LARP4B: variants seen among roughly 807,000 people sequenced by gnomAD.
LARP4B encodes the protein La ribonucleoprotein 4B.
A neutral mutation model predicts 89.8 loss-of-function variants in LARP4B; 12 were observed. The observed-to-expected ratio is 0.13, with a 90% confidence interval of 0.09 to 0.22. The LOEUF (loss-of-function observed/expected upper bound fraction) is 0.22. Among genes scored for constraint, LARP4B ranks in the 10% least tolerant of loss-of-function variants. The pLI, the probability that LARP4B is intolerant of heterozygous loss-of-function variation, is 1.00. For synonymous variants in LARP4B, 367 were observed against 363.3 expected (o/e 1.01, Z -0.12); for missense variants, 757 against 947.7 (o/e 0.80, Z 2.64).
At chr10:846,137 T>C (rs976925670) in intron 5 of LARP4B, among the ~76,000 whole-genome samples, 1 of 152,190 alleles carries the variant, frequency 6.6e-6, no homozygotes, top group Non-Finnish European at 1.5e-5. Flanking sequence ...TAGACTAAGG[T>C]GTCTCCGGGT....
chr10:884,527 A>G, intron 2 of LARP4B, 21 bp from the exon 3 acceptor site: 1 of 1,514,828 alleles, frequency 6.6e-7, no homozygotes, highest in Non-Finnish European at 9.2e-7. Context: ...GAAAACAAAG[A>G]CAACATCAGT....
chr10:957,953 C>A, the LARP4B span, among the ~76,000 whole-genome samples: 1 of 151,948 alleles, frequency 6.6e-6, no homozygotes, highest in South Asian at 2.1e-4. Context: ...TGCACCACCA[C>A]GCCTGGCTGA....
upstream of LARP4B, among the ~76,000 whole-genome samples, chr10:934,949 C>T (rs1001044921): frequency 6.6e-6 from 1 of 152,224 alleles, no homozygotes; most frequent in Non-Finnish European, 1.5e-5. Context: ...AGCTTCATCA[C>T]CATCCTCCTG....
In LARP4B at chr10:931,477, T is replaced by G. The variant is rs1830606413; in HGVS notation, c.-89A>C. The G allele has an allele frequency of 6.9e-6, 1 of 144,494 alleles. No individual in the cohort carries two copies. Among genetic ancestry groups the G allele is most frequent in the Non-Finnish European group, 1.5e-5 (1 of 65,460 alleles). 9.0% of individuals were successfully genotyped at this position (144,494 alleles called of 1,614,324 possible). On this transcript the variant is annotated 5_prime_UTR_variant, in exon 1 of 18. Transcript: ENST00000316157. ...ACCGGCCGCCCGCGGGCTCCTCGCC[T>G]CAACCCCGGGGCCCGGCGGCCGCGC...
chr10:881,095 T>C lies in LARP4B; in HGVS notation c.141+3352A>G, dbSNP rs570758979. The stretch of plus-strand genomic sequence containing the variant: ...AAGCCGCTGAGAATGATGTTTGCTA[T>C]AGATGAAGTTTGTGGCGCTAACAGG... On this transcript the variant is annotated intron_variant, in intron 3 of 17. Coordinates refer to ENST00000316157, the MANE Select transcript of LARP4B (RefSeq NM_015155.3). 2.6e-5 allele frequency among the ~76,000 whole-genome samples: 4 copies of C among 152,292 alleles called. No homozygotes were observed. The South Asian group carries it at 6.2e-4, about 24-fold the overall frequency.
At chr10:897,786 G>C (rs1203043766) in intron 1 of LARP4B, among the ~76,000 whole-genome samples, 2 of 151,884 alleles carry the variant, frequency 1.3e-5, no homozygotes, top group East Asian at 3.9e-4. Flanking sequence ...TCAGGAGTTC[G>C]AGACCAGCCT....
In LARP4B at chr10:809,777, G is replaced by A. The variant is rs1831677370; in HGVS notation, c.*3149C>T. On this transcript the variant is annotated 3_prime_UTR_variant, in exon 18 of 18. Transcript: ENST00000316157. Reference sequence around the variant, plus strand: ...CTCGATTGTCTGCAGCCCTGTAGTGGGCCGCGAGGCACGCAAGCCGCAACT... The same window carrying A: ...CTCGATTGTCTGCAGCCCTGTAGTGAGCCGCGAGGCACGCAAGCCGCAACT... 1 of 152,690 alleles carries A rather than the reference G, an allele frequency of 6.5e-6. No homozygotes were observed. Among genetic ancestry groups the A allele is most frequent in the Non-Finnish European group, 1.5e-5 (1 of 68,058 alleles). The allele number at this position is 152,690 out of a possible 1,614,324, so 9.5% of individuals were successfully genotyped here.
chr10:896,805 C>G (rs1222539991), intron 1 of LARP4B, among the ~76,000 whole-genome samples: 1 of 152,094 alleles, frequency 6.6e-6, no homozygotes, highest in Non-Finnish European at 1.5e-5. Flanking sequence ...AATACAAACC[C>G]TTAAAACCCA....
At chr10:912,763 G>A (rs528874215) in intron 1 of LARP4B, among the ~76,000 whole-genome samples, 3 of 151,306 alleles carry the variant, frequency 2.0e-5, no homozygotes, top group Non-Finnish European at 2.9e-5. Context: ...GGTGGCGTGC[G>A]CCTGTGGTCC....
chr10:966,831 C>T, the LARP4B span, among the ~76,000 whole-genome samples: 17 of 152,084 alleles, frequency 1.1e-4, no homozygotes, highest in African/African-American at 4.1e-4. Flanking sequence ...GCCACCCCCT[C>T]ACCCCCACTG....
the LARP4B span, among the ~76,000 whole-genome samples, chr10:959,455 C>T: frequency 1.6e-4 from 12 of 74,974 alleles, no homozygotes; most frequent in African/African-American, 4.1e-4. Context: ...ATCCACCTCC[C>T]CATCAATCCA....
At position 913,132 on chromosome 10, in the gene LARP4B, C is replaced by A. The variant is rs147877491; in HGVS notation, c.-40+18296G>T. 5.1e-4 allele frequency among the ~76,000 whole-genome samples: 77 copies of A among 152,150 alleles called. 1 individual carries two copies. Among genetic ancestry groups the A allele is most frequent in the African/African-American group, 1.8e-3 (74 of 41,498 alleles). The stretch of plus-strand genomic sequence containing the variant: ...TCTGCCTTTGGGATGTAAGTTTTCA[C>A]CTGAGAGTCATGTCTTTGGAAGTGA... On this transcript the variant is annotated intron_variant, in intron 1 of 17. Coordinates refer to ENST00000316157, the MANE Select transcript of LARP4B (RefSeq NM_015155.3).
intron 12 of LARP4B, 145 bp downstream of exon 12, chr10:825,619 G>A: frequency 3.1e-6 from 2 of 647,272 alleles, no homozygotes; most frequent in East Asian, 5.4e-5. Flanking sequence ...CCAGATTGTA[G>A]TGCTTAGTCT....
intron 5 of LARP4B, 37 bp downstream of exon 5, chr10:863,706 T>A (rs1834745795): frequency 6.4e-7 from 1 of 1,557,658 alleles, no homozygotes; most frequent in Non-Finnish European, 8.7e-7. Context: ...AAGCAGCCCA[T>A]ATTCCCTGGG....
At chr10:880,750 G>A (rs561179291) in intron 3 of LARP4B, among the ~76,000 whole-genome samples, 1 of 152,244 alleles carries the variant, frequency 6.6e-6, no homozygotes, top group South Asian at 2.1e-4. Context: ...TTTAGTATGA[G>A]GATGAGTTAG....
chr10:973,610 C>G, the LARP4B span, among the ~76,000 whole-genome samples: 18,304 of 152,132 alleles, frequency 0.12, 1,490 homozygotes, highest in Non-Finnish European at 0.18. Flanking sequence ...CTCGGCCTCC[C>G]AAAGTGCTGG....
intron 1 of LARP4B, among the ~76,000 whole-genome samples, chr10:925,897 C>A (rs1459731814): frequency 2.6e-5 from 4 of 152,190 alleles, no homozygotes; most frequent in Non-Finnish European, 5.9e-5. Context: ...GGCTAAATTA[C>A]TCTATCTGAA....
chr10:814,576 CA>C lies in LARP4B; in HGVS notation c.1929+165del. 1 of 1,468,756 alleles carries C rather than the reference CA, an allele frequency of 6.8e-7. No individual in the cohort carries two copies. The allele number at this position is 1,468,756 out of a possible 1,614,324, so 91.0% of individuals were successfully genotyped here. A position where few individuals can be genotyped will look rare whatever the true frequency, so the allele number is the denominator to read the frequency against. ...AGAGTAGTTAGTGGAAAATTATTAG[CA>C]AATATTAAAGGTATTTTGTACAGAA... On this transcript the variant is annotated intron_variant, in intron 17 of 17. Transcript: ENST00000316157. This position sits in a 1 kb window ranked among gnomAD's most constrained non-coding sequence, Gnocchi z 4.4.
At chr10:935,315 C>T (rs1307929062), upstream of LARP4B, among the ~76,000 whole-genome samples, 1 of 152,192 alleles carries the variant, frequency 6.6e-6, no homozygotes, top group Non-Finnish European at 1.5e-5. Flanking sequence ...TCGAGGGCGG[C>T]ATTCTTTTGG....
Sources: gnomAD v4.1 joint callset for allele counts (sites outside exome capture counted in the v4.1 genomes callset) on GRCh38, gnomAD v4.1.1 for gene constraint, Gnocchi (gnomAD v3.1) non-coding constraint, MANE v1.5 for transcripts, NCBI Gene and HGNC (gene_info 2026-07-23, HGNC 2026-07-21) for gene names.